The following SLC44A5 variants were observed in gnomAD, a reference collection of about 807,000 sequenced individuals.
SLC44A5 encodes choline transporter-like protein 5.
A neutral mutation model predicts 101.8 loss-of-function variants in SLC44A5; 57 were observed. That is an observed-to-expected ratio of 0.56 (90% CI 0.45 to 0.70). The LOEUF is 0.70. Among genes scored for constraint, SLC44A5 ranks in the 30% least tolerant of loss-of-function variants. The probability of loss-of-function intolerance (pLI) is 0.00; values close to 1 mark genes in which losing one functional copy is unlikely to be tolerated. For synonymous variants in SLC44A5, 281 were observed against 290.9 expected (o/e 0.97, Z 0.35); for missense variants, 737 against 853.1 (o/e 0.86, Z 1.70).
chr1:75,591,780 T>C (rs140097960), intron 1 of SLC44A5, among the ~76,000 whole-genome samples: 278 of 152,060 alleles, frequency 1.8e-3, no homozygotes, highest in African/African-American at 6.1e-3. Flanking sequence ...AAAAATCATA[T>C]GATAATTTCA....
Position 75,397,457 on chromosome 1 carries a change from C to G in SLC44A5, c.14-836G>C, listed in dbSNP as rs1374728681. 2.6e-5 allele frequency among the ~76,000 whole-genome samples: 4 copies of G among 152,138 alleles called. No individual in the cohort carries two copies. In the East Asian group the frequency reaches 7.7e-4, roughly 29 times the overall value. On this transcript the variant is annotated intron_variant, in intron 2 of 23. Transcript: ENST00000370859. ...TTTTCATCAATCGGACTAACAGTAGCAAATCATTGAGAGTCAGAGTTGGGG... is the reference window on the plus strand; with the variant it reads ...TTTTCATCAATCGGACTAACAGTAGGAAATCATTGAGAGTCAGAGTTGGGG...
At chr1:75,508,320 G>T (rs1669382619) in intron 2 of SLC44A5, among the ~76,000 whole-genome samples, 2 of 152,092 alleles carry the variant, frequency 1.3e-5, no homozygotes, top group Non-Finnish European at 2.9e-5. Flanking sequence ...ACAGAGACAT[G>T]TCATCCCAAA....
At chr1:75,606,622 C>T (rs1346687667) in intron 1 of SLC44A5, among the ~76,000 whole-genome samples, 1 of 151,934 alleles carries the variant, frequency 6.6e-6, no homozygotes, top group Non-Finnish European at 1.5e-5. Flanking sequence ...TTTTCCTCCT[C>T]TTCATTCTCT....
At chr1:75,341,497 G>A (rs1657875335) in intron 3 of SLC44A5, among the ~76,000 whole-genome samples, 1 of 150,530 alleles carries the variant, frequency 6.6e-6, no homozygotes, top group African/African-American at 2.5e-5. Context: ...AAAAGAAAGA[G>A]AAAGGAAGGA....
intron 7 of SLC44A5, among the ~76,000 whole-genome samples, chr1:75,250,033 G>A (rs151336420): frequency 0.018 from 2,718 of 152,240 alleles, 77 homozygotes; most frequent in African/African-American, 0.063. Context: ...AGAGGTACAT[G>A]TGCAGGTTTG....
chr1:75,676,940 C>T, the SLC44A5 span, among the ~76,000 whole-genome samples: 3 of 152,088 alleles, frequency 2.0e-5, no homozygotes, highest in Non-Finnish European at 2.9e-5. Flanking sequence ...GTAAACCTTA[C>T]AGGCCAGGAG....
chr1:75,717,976 A>G, the SLC44A5 span, among the ~76,000 whole-genome samples: 1 of 152,224 alleles, frequency 6.6e-6, no homozygotes, highest in Non-Finnish European at 1.5e-5. Flanking sequence ...CTGGGAACAC[A>G]AAGTGTTTTT....
intron 2 of SLC44A5, among the ~76,000 whole-genome samples, chr1:75,529,921 T>C (rs1184654771): frequency 1.3e-5 from 2 of 152,190 alleles, no homozygotes; most frequent in South Asian, 2.1e-4. Context: ...AGGGAAACTG[T>C]ATTGAATCAG....
At chr1:75,491,925 T>C (rs1007605872) in intron 2 of SLC44A5, among the ~76,000 whole-genome samples, 3 of 152,196 alleles carry the variant, frequency 2.0e-5, no homozygotes, top group Non-Finnish European at 4.4e-5. Flanking sequence ...TTTTCATTTC[T>C]TCCATTTTTT....
At chr1:75,682,844 G>T in the SLC44A5 span, among the ~76,000 whole-genome samples, 1 of 151,972 alleles carries the variant, frequency 6.6e-6, no homozygotes, top group Non-Finnish European at 1.5e-5. Flanking sequence ...GAAAATTTTC[G>T]CAACCTACTC....
chr1:75,453,451 T>C (rs1196652171), intron 2 of SLC44A5, among the ~76,000 whole-genome samples: 1 of 151,974 alleles, frequency 6.6e-6, no homozygotes, highest in Admixed American at 6.6e-5. Context: ...CTCAAATTAA[T>C]AATCTAACAT....
the SLC44A5 span, among the ~76,000 whole-genome samples, chr1:75,675,540 T>C: frequency 6.6e-6 from 1 of 152,140 alleles, no homozygotes; most frequent in East Asian, 1.9e-4. Context: ...TTACACCTTA[T>C]ATAAAAATTA....
chr1:75,559,213 T>G (rs1672384067), intron 1 of SLC44A5, among the ~76,000 whole-genome samples: 1 of 152,042 alleles, frequency 6.6e-6, no homozygotes, highest in African/African-American at 2.4e-5. Context: ...TAATAGGTAC[T>G]CAGTGTCTGG....
intron 2 of SLC44A5, among the ~76,000 whole-genome samples, chr1:75,489,101 G>A (rs1357593767): frequency 6.6e-6 from 1 of 152,122 alleles, no homozygotes; most frequent in Non-Finnish European, 1.5e-5. Flanking sequence ...GCCTGCCTCA[G>A]CCTCCCAAAG....
At chr1:75,259,062 A>C (rs1268218068) in intron 6 of SLC44A5, among the ~76,000 whole-genome samples, 2 of 152,306 alleles carry the variant, frequency 1.3e-5, no homozygotes, top group African/African-American at 4.8e-5. Flanking sequence ...AAATCCATGA[A>C]GATGGGGGGA....
chr1:75,343,355 G>T (rs1259007090), intron 3 of SLC44A5, among the ~76,000 whole-genome samples: 3 of 152,064 alleles, frequency 2.0e-5, no homozygotes, highest in African/African-American at 7.2e-5. Context: ...AATTCATGAA[G>T]ATTAAGGAAA....
At chr1:75,586,799 TACCCCAAGGGC>T (rs1451654981) in intron 1 of SLC44A5, among the ~76,000 whole-genome samples, 2 of 152,200 alleles carry the variant, frequency 1.3e-5, no homozygotes, top group Non-Finnish European at 2.9e-5. Context: ...ATTATCTATG[TACCCCAAGGGC>T]CTAGCACGGT....
intron 2 of SLC44A5, among the ~76,000 whole-genome samples, chr1:75,467,378 T>A (rs1208781576): frequency 6.6e-6 from 1 of 151,842 alleles, no homozygotes; most frequent in Non-Finnish European, 1.5e-5. Flanking sequence ...ACCAAAGCTA[T>A]CCCAAGCAAA....
the SLC44A5 span, among the ~76,000 whole-genome samples, chr1:75,682,318 C>T: frequency 6.6e-6 from 1 of 152,054 alleles, no homozygotes; most frequent in Non-Finnish European, 1.5e-5. Flanking sequence ...GCCAAAAGAA[C>T]AAAGCTGGAG....
Sources: gnomAD v4.1 joint callset for allele counts (sites outside exome capture counted in the v4.1 genomes callset) on GRCh38, gnomAD v4.1.1 for gene constraint, MANE v1.5 for transcripts, NCBI Gene and HGNC (gene_info 2026-07-23, HGNC 2026-07-21) for gene names.